The following LIMCH1 variants were observed in gnomAD, a reference collection of about 807,000 sequenced individuals.
The protein encoded by LIMCH1 is LIM and calponin homology domains 1, also known as LIM and calponin homology domains-containing protein 1.
LIMCH1 carries 113 observed loss-of-function variants against 176.5 expected under a neutral mutation model. The observed-to-expected ratio is 0.64, with a 90% CI of 0.55 to 0.75. LIMCH1 has a LOEUF of 0.75. Among genes scored for constraint, LIMCH1 ranks in the 30% least tolerant of loss-of-function variants. The probability of loss-of-function intolerance (pLI) is 0.00; values close to 1 mark genes in which losing one functional copy is unlikely to be tolerated. For missense variants in LIMCH1, 1,674 were observed against 1,814.9 expected (o/e 0.92, Z 1.41); for synonymous variants, 619 against 645.9 (o/e 0.96, Z 0.63).
intron 1 of LIMCH1, among the ~76,000 whole-genome samples, chr4:41,471,167 A>G (rs1353707895): frequency 6.6e-6 from 1 of 152,164 alleles, no homozygotes; most frequent in Non-Finnish European, 1.5e-5. Flanking sequence ...ATCTCAACTC[A>G]GATTAACAAA....
At chr4:41,466,821 C>T (rs2066183760) in intron 1 of LIMCH1, among the ~76,000 whole-genome samples, 1 of 152,094 alleles carries the variant, frequency 6.6e-6, no homozygotes, top group South Asian at 2.1e-4. Flanking sequence ...AGTTCAGTGA[C>T]GTGAAGTGCA....
chr4:41,499,261 T>C (rs1440230634), intron 2 of LIMCH1, among the ~76,000 whole-genome samples: 1 of 152,216 alleles, frequency 6.6e-6, no homozygotes, highest in Non-Finnish European at 1.5e-5. Flanking sequence ...TGCACCTCAC[T>C]ATACTAATTA....
chr4:41,390,269 A>AGC (rs1554024865), intron 1 of LIMCH1, among the ~76,000 whole-genome samples: 6 of 150,304 alleles, frequency 4.0e-5, no homozygotes, highest in African/African-American at 1.2e-4. Context: ...AGAGAGAGAG[A>AGC]GAGAGCGAGA....
intron 1 of LIMCH1, among the ~76,000 whole-genome samples, chr4:41,553,365 T>C (rs1028833563): frequency 1.3e-5 from 2 of 152,146 alleles, no homozygotes; most frequent in African/African-American, 2.4e-5. Flanking sequence ...TTGAGTCTAC[T>C]TGGGAATTTG....
chr4:41,464,511 G>A (rs1177468408), intron 1 of LIMCH1, among the ~76,000 whole-genome samples: 1 of 151,686 alleles, frequency 6.6e-6, no homozygotes, highest in East Asian at 1.9e-4. Context: ...TGAGTAGCTG[G>A]CATTACAGGT....
intron 1 of LIMCH1, among the ~76,000 whole-genome samples, chr4:41,463,875 G>T (rs558075396): frequency 6.6e-6 from 1 of 151,972 alleles, no homozygotes; most frequent in Admixed American, 6.6e-5. Context: ...CACTGTGCCC[G>T]GTCACATTTT....
intron 1 of LIMCH1, among the ~76,000 whole-genome samples, chr4:41,430,003 G>A (rs755014585): frequency 6.6e-6 from 1 of 152,138 alleles, no homozygotes. Flanking sequence ...TCACATGGAT[G>A]GGCAGGGAAA....
rs2084292771 is a variant in LIMCH1, at chr4:41,575,397, GA to G, written c.-240-23521del. On this transcript the variant is annotated intron_variant, in intron 1 of 31. Coordinates refer to ENST00000503057, the MANE Select transcript of LIMCH1 (RefSeq NM_001330672.2). The stretch of plus-strand genomic sequence containing the variant: ...AGTTTCACAAACCCATTACAAGTTT[GA>G]ATTTTTTTAAACTGGATTCATTCAG... 4.6e-5 allele frequency among the ~76,000 whole-genome samples: 7 copies of G among 152,244 alleles called. No homozygotes were observed. In the South Asian group the frequency reaches 1.5e-3, roughly 32 times the overall value.
chr4:41,469,243 C>T (rs1442556464), intron 1 of LIMCH1, among the ~76,000 whole-genome samples: 1 of 152,194 alleles, frequency 6.6e-6, no homozygotes, highest in African/African-American at 2.4e-5. Flanking sequence ...TGACACTCCT[C>T]CTCTTCTGTT....
At chr4:41,384,595 T>C (rs2056230614) in intron 1 of LIMCH1, among the ~76,000 whole-genome samples, 1 of 152,176 alleles carries the variant, frequency 6.6e-6, no homozygotes, top group Non-Finnish European at 1.5e-5. Flanking sequence ...AGAGTAAGGA[T>C]TAAGTTGATG....
chr4:41,602,801 A>T (rs1345639622), intron 2 of LIMCH1, among the ~76,000 whole-genome samples: 2 of 152,008 alleles, frequency 1.3e-5, no homozygotes, highest in Admixed American at 1.3e-4. Flanking sequence ...AGTGAGGCTC[A>T]GTCTCAAAAC....
At chr4:41,659,195 A>AT (rs745976124) in intron 18 of LIMCH1, among the ~76,000 whole-genome samples, 3 of 152,174 alleles carry the variant, frequency 2.0e-5, no homozygotes, top group African/African-American at 4.8e-5. Flanking sequence ...ATTCTCACTC[A>AT]TTTAAGTCTC....
intron 2 of LIMCH1, among the ~76,000 whole-genome samples, chr4:41,524,173 T>C (rs1018458633): frequency 1.3e-5 from 2 of 152,218 alleles, no homozygotes; most frequent in African/African-American, 4.8e-5. Flanking sequence ...AGTCTCTACC[T>C]TTTCTCATCT....
intron 4 of LIMCH1, 137 bp from the exon 5 acceptor site, chr4:41,613,329 A>G (rs1004470714): frequency 7.4e-6 from 6 of 812,286 alleles, no homozygotes; most frequent in South Asian, 1.8e-5. Flanking sequence ...AAGATGATTG[A>G]TCCTGTAACT....
intron 1 of LIMCH1, among the ~76,000 whole-genome samples, chr4:41,547,863 GTATATATATA>G (rs573342962): frequency 0.012 from 1,097 of 93,224 alleles, 30 homozygotes; most frequent in African/African-American, 0.043. Flanking sequence ...TTGTGTGTGT[GTATATATATA>G]TATATATATA....
At chr4:41,677,681 C>T (rs991958634) in intron 23 of LIMCH1, among the ~76,000 whole-genome samples, 1 of 152,114 alleles carries the variant, frequency 6.6e-6, no homozygotes, top group Non-Finnish European at 1.5e-5. Flanking sequence ...CTTATTAGCC[C>T]TTGTTTGCAA....
intron 3 of LIMCH1, among the ~76,000 whole-genome samples, chr4:41,532,389 G>C (rs551926783): frequency 3.9e-5 from 6 of 152,188 alleles, no homozygotes; most frequent in African/African-American, 1.4e-4. Context: ...TACTGAATGT[G>C]GAATAAAATC....
intron 1 of LIMCH1, among the ~76,000 whole-genome samples, chr4:41,588,224 C>CT (rs2086833635): frequency 1.3e-5 from 2 of 152,056 alleles, no homozygotes; most frequent in African/African-American, 4.8e-5. Flanking sequence ...CTGAGAATGA[C>CT]TTTATATTCT....
chr4:41,515,321 G>A (rs138009443), intron 2 of LIMCH1, among the ~76,000 whole-genome samples: 459 of 152,254 alleles, frequency 3.0e-3, no homozygotes, highest in African/African-American at 9.9e-3. Flanking sequence ...ATTGCCTTCC[G>A]CCTGTCCAGA....
Sources: allele counts gnomAD v4.1 joint callset (sites outside exome capture counted in the v4.1 genomes callset), GRCh38; gene constraint gnomAD v4.1.1; transcripts MANE v1.5; gene names NCBI Gene and HGNC (gene_info 2026-07-23, HGNC 2026-07-21).